KCNH7: variants seen among roughly 807,000 people sequenced by gnomAD.
The protein encoded by KCNH7 is potassium voltage-gated channel subfamily H member 7.
In KCNH7, 49 loss-of-function variants were observed where a neutral mutation model predicts 120.8. The observed-to-expected ratio is 0.41, with a 90% confidence interval of 0.32 to 0.51. The LOEUF is 0.51. KCNH7 is among the 20% of genes least tolerant of loss of function. KCNH7 has a pLI of 0.38. For missense variants in KCNH7, 1,097 were observed against 1,446.6 expected, an observed-to-expected ratio of 0.76 and a Z score of 3.92; for synonymous variants, 547 against 516.1, an observed-to-expected ratio of 1.06 and a Z score of -0.81.
chr2:162,821,048 C>G (rs762256852), intron 2 of KCNH7, among the ~76,000 whole-genome samples: 3 of 152,136 alleles, frequency 2.0e-5, no homozygotes, highest in African/African-American at 7.2e-5. Context: ...CAATACAAGG[C>G]TAATTTTATC....
intron 2 of KCNH7, among the ~76,000 whole-genome samples, chr2:162,539,265 C>T (rs1255166563): frequency 6.6e-6 from 1 of 152,064 alleles, no homozygotes; most frequent in Non-Finnish European, 1.5e-5. Flanking sequence ...TCATTATGTA[C>T]TTTCCTAATG....
chr2:162,826,367 T>G (rs1237424697), intron 2 of KCNH7, among the ~76,000 whole-genome samples: 1 of 152,104 alleles, frequency 6.6e-6, no homozygotes, highest in Non-Finnish European at 1.5e-5. Context: ...TTGTGGATGT[T>G]CCATCAGAAT....
At chr2:162,655,819 T>G (rs912306663) in intron 2 of KCNH7, among the ~76,000 whole-genome samples, 3 of 152,040 alleles carry the variant, frequency 2.0e-5, no homozygotes, top group Non-Finnish European at 4.4e-5. Flanking sequence ...AAACGAATTA[T>G]TGTGGTCATA....
At chr2:162,699,940 C>T (rs1686431993) in intron 2 of KCNH7, among the ~76,000 whole-genome samples, 1 of 152,124 alleles carries the variant, frequency 6.6e-6, no homozygotes, top group East Asian at 1.9e-4. Flanking sequence ...ACCTAGGAAA[C>T]GTGACCTAGG....
intron 5 of KCNH7, among the ~76,000 whole-genome samples, chr2:162,508,129 A>C (rs1690945457): frequency 6.6e-6 from 1 of 151,566 alleles, no homozygotes; most frequent in African/African-American, 2.4e-5. Flanking sequence ...ATTATCTCTG[A>C]GTTCCATTTC....
At chr2:162,669,286 T>C (rs1312110394) in intron 2 of KCNH7, among the ~76,000 whole-genome samples, 1 of 152,158 alleles carries the variant, frequency 6.6e-6, no homozygotes, top group Non-Finnish European at 1.5e-5. Context: ...CTGACTTACA[T>C]TCATTAATAA....
chr2:162,550,432 C>T (rs1292668566), intron 2 of KCNH7, among the ~76,000 whole-genome samples: 1 of 152,070 alleles, frequency 6.6e-6, no homozygotes, highest in Non-Finnish European at 1.5e-5. Context: ...GGAAGGAGAG[C>T]CATGTTGGAG....
intron 2 of KCNH7, among the ~76,000 whole-genome samples, chr2:162,788,680 C>G (rs1308311496): frequency 6.6e-6 from 1 of 151,312 alleles, no homozygotes; most frequent in Non-Finnish European, 1.5e-5. Context: ...AAGAAACAAA[C>G]TAAAAAAAAG....
At chr2:162,801,927 C>T (rs959814612) in intron 2 of KCNH7, among the ~76,000 whole-genome samples, 1 of 151,706 alleles carries the variant, frequency 6.6e-6, no homozygotes, top group African/African-American at 2.4e-5. Context: ...TACCTGTTCA[C>T]TTACTAAAAT....
At chr2:162,559,893 T>C (rs1451417091) in intron 2 of KCNH7, among the ~76,000 whole-genome samples, 2 of 152,214 alleles carry the variant, frequency 1.3e-5, no homozygotes, top group African/African-American at 4.8e-5. Flanking sequence ...GAGCACAGTT[T>C]ACAATGTATA....
chr2:162,652,025 C>A (rs939846446), intron 2 of KCNH7, among the ~76,000 whole-genome samples: 19 of 152,040 alleles, frequency 1.2e-4, no homozygotes, highest in African/African-American at 4.3e-4. Context: ...TGTTCATGAT[C>A]TTTGTCCACT....
chr2:162,603,305 T>C (rs1246368359), intron 2 of KCNH7, among the ~76,000 whole-genome samples: 1 of 152,104 alleles, frequency 6.6e-6, no homozygotes, highest in Non-Finnish European at 1.5e-5. Flanking sequence ...GTTTTTATAA[T>C]TTATTTTTAA....
chr2:162,489,441 C>T (rs1421445053), intron 6 of KCNH7, among the ~76,000 whole-genome samples: 2 of 152,106 alleles, frequency 1.3e-5, no homozygotes, highest in Non-Finnish European at 2.9e-5. Flanking sequence ...GGGTCACATT[C>T]AAAGTCATCC....
rs59165567 is a variant in KCNH7 at position 162,756,303 on chromosome 2, T to A, written c.307+80234A>T. Among the ~76,000 whole-genome samples the A allele has an allele frequency of 2.1e-3, 319 of 152,234 alleles. 2 individuals are homozygous for A. The highest frequency in any genetic ancestry group is 0.02 in the South Asian group (95 of 4,822). ...TTCCAATTCTAGTTAAGGTCATAGG[T>A]TTGAATGTAAACTCTACTAATGGAA... On this transcript the variant is annotated intron_variant, in intron 2 of 15. Transcript: ENST00000332142.
At position 162,536,423 on chromosome 2, in the gene KCNH7, G is replaced by T. The variant is rs1692109949; in HGVS notation, c.463+502C>A. ...GATAATGACAATAGTTGAGAAAACG[G>T]ATTCTGACACGCTTTGTTGGCATAG... is the stretch of plus-strand genomic sequence containing the variant. On this transcript the variant is annotated intron_variant, in intron 3 of 15. Transcript: ENST00000332142. 2.0e-5 allele frequency among the ~76,000 whole-genome samples: 3 copies of T among 151,906 alleles called. 1 individual carries two copies. In the South Asian group the frequency reaches 6.2e-4, roughly 31 times the overall value.
chr2:162,672,337 A>G (rs1247522391), intron 2 of KCNH7, among the ~76,000 whole-genome samples: 1 of 152,102 alleles, frequency 6.6e-6, no homozygotes, highest in Non-Finnish European at 1.5e-5. Flanking sequence ...TTCTGTTAAC[A>G]ATCATTAGTA....
chr2:162,718,758 T>TA (rs1194088119), intron 2 of KCNH7, among the ~76,000 whole-genome samples: 2 of 151,488 alleles, frequency 1.3e-5, no homozygotes, highest in Admixed American at 1.3e-4. Flanking sequence ...GAGTTTAGAA[T>TA]AAAACATTTC....
At chr2:162,786,409 G>T (rs1683706889) in intron 2 of KCNH7, among the ~76,000 whole-genome samples, 1 of 152,144 alleles carries the variant, frequency 6.6e-6, no homozygotes, top group African/African-American at 2.4e-5. Flanking sequence ...AACATGCACA[G>T]AGGTAAGCCA....
chr2:162,590,242 C>T (rs1694166547), intron 2 of KCNH7, among the ~76,000 whole-genome samples: 1 of 152,084 alleles, frequency 6.6e-6, no homozygotes, highest in African/African-American at 2.4e-5. Context: ...TTCCCAACCA[C>T]AGCAGGGCAG....
Sources: gnomAD v4.1 joint callset for allele counts (sites outside exome capture counted in the v4.1 genomes callset) on GRCh38, gnomAD v4.1.1 for gene constraint, MANE v1.5 for transcripts, NCBI Gene and HGNC (gene_info 2026-07-23, HGNC 2026-07-21) for gene names.